GDA: variants seen among roughly 807,000 people sequenced by gnomAD.
The protein encoded by GDA is guanine deaminase.
A neutral mutation model predicts 59.6 loss-of-function variants in GDA; 18 were observed. That is an observed-to-expected ratio of 0.30 (90% confidence interval 0.21 to 0.45). The LOEUF is 0.45. GDA is among the 20% of genes least tolerant of loss of function. The pLI is 1.00. For synonymous variants in GDA, 201 were observed against 201.1 expected (o/e 1.00, Z 0.00); for missense variants, 427 against 552.3 (o/e 0.77, Z 2.27).
At chr9:72,223,859 C>G (rs1207955541) in intron 7 of GDA, among the ~76,000 whole-genome samples, 1 of 152,164 alleles carries the variant, frequency 6.6e-6, no homozygotes, top group African/African-American at 2.4e-5. Context: ...TAAAATTTCT[C>G]CTCTTAGGAG....
Position 72,182,478 on chromosome 9 carries a change from C to T in GDA, c.124-13022C>T, listed in dbSNP as rs75212069. On this transcript the variant is annotated intron_variant, in intron 1 of 13. Transcript: ENST00000358399. ...GGTCGTGCATTTTTGGCAGGGACAT[C>T]GGAGAAATGATGCTGTGCTCTCAGT... Among the ~76,000 whole-genome samples, 267 of 152,230 alleles carry T rather than the reference C, an allele frequency of 1.8e-3. 5 individuals carry two copies. The highest frequency in any genetic ancestry group is 5.9e-3 in the African/African-American group (244 of 41,526).
At chr9:72,127,198 A>T (rs1221374451) in intron 1 of GDA, among the ~76,000 whole-genome samples, 1 of 152,188 alleles carries the variant, frequency 6.6e-6, no homozygotes, top group Non-Finnish European at 1.5e-5. Flanking sequence ...AGTAGAAATT[A>T]TATTCTGTTT....
chr9:72,149,590 C>T lies in GDA; in HGVS notation c.31C>T (p.His11Tyr), dbSNP rs1291996318. The T allele has an allele frequency of 1.9e-6, 3 of 1,611,484 alleles. No individual in the cohort carries two copies. The African/African-American group carries it at 4.0e-5, about 22-fold the overall frequency. The change falls in exon 1 of 14, where the codon CAC becomes TAC. Residue 11 changes from histidine (H) to tyrosine (Y), a missense_variant. His to Tyr is a moderately conservative substitution (Grantham distance 83, BLOSUM62 2). Transcript: ENST00000358399. Reference sequence around the variant, plus strand: ...TGCCGCTCAGATGCCGCCCCTGGCGCACATCTTCCGAGGGACGTTCGTCCA... The same window carrying T: ...TGCCGCTCAGATGCCGCCCCTGGCGTACATCTTCCGAGGGACGTTCGTCCA... MCAAQMPPLA[H>Y]IFRGTFVHST...
At chr9:72,156,210 G>A (rs1025620113) in intron 1 of GDA, among the ~76,000 whole-genome samples, 1 of 152,194 alleles carries the variant, frequency 6.6e-6, no homozygotes, top group South Asian at 2.1e-4. Context: ...CTTCTTGAAG[G>A]AAGTAGTAGC....
intron 6 of GDA, among the ~76,000 whole-genome samples, chr9:72,220,481 G>C (rs1451009471): frequency 1.3e-5 from 2 of 152,082 alleles, no homozygotes; most frequent in Non-Finnish European, 2.9e-5. Flanking sequence ...TCGTCAGGCA[G>C]GTAAACTTCG....
chr9:72,199,322 A>G (rs1833633522), intron 2 of GDA, among the ~76,000 whole-genome samples: 1 of 152,136 alleles, frequency 6.6e-6, no homozygotes, highest in Non-Finnish European at 1.5e-5. Flanking sequence ...GAATCTTTTT[A>G]TTAATAATCA....
chr9:72,227,604 A>G (rs1023163246), intron 8 of GDA, among the ~76,000 whole-genome samples: 26 of 152,166 alleles, frequency 1.7e-4, no homozygotes, highest in African/African-American at 6.3e-4. Context: ...ACAGTCTTCT[A>G]AAGTAGAGAT....
intron 10 of GDA, among the ~76,000 whole-genome samples, chr9:72,239,472 T>C (rs1839371667): frequency 6.6e-6 from 1 of 152,174 alleles, no homozygotes; most frequent in Non-Finnish European, 1.5e-5. Context: ...ATTTAAGTCT[T>C]CCATATTCAT....
chr9:72,206,411 T>G (rs949486945), intron 3 of GDA, among the ~76,000 whole-genome samples: 28 of 152,212 alleles, frequency 1.8e-4, no homozygotes, highest in Non-Finnish European at 3.7e-4. Flanking sequence ...AATATTTAAC[T>G]TTTAAGTTTA....
intron 6 of GDA, among the ~76,000 whole-genome samples, chr9:72,220,674 G>A (rs1302373199): frequency 8.6e-5 from 13 of 152,010 alleles, no homozygotes; most frequent in African/African-American, 4.8e-5. Context: ...CTTGATGGGC[G>A]TGGGCTGACT....
At chr9:72,214,033 C>A in intron 5 of GDA, 42 bp downstream of exon 5, 2 of 1,092,542 alleles carry the variant, frequency 1.8e-6, no homozygotes, top group South Asian at 1.2e-5. Context: ...CAGGTGAATT[C>A]CTGTGCTGCA....
chr9:72,150,725 C>T (rs1298779203), intron 1 of GDA, among the ~76,000 whole-genome samples: 1 of 152,202 alleles, frequency 6.6e-6, no homozygotes, highest in Non-Finnish European at 1.5e-5. Context: ...AGTTTTGAAT[C>T]GTGACTCTTA....
At chr9:72,133,568 C>T (rs1048445302) in intron 1 of GDA, among the ~76,000 whole-genome samples, 1 of 152,112 alleles carries the variant, frequency 6.6e-6, no homozygotes, top group African/African-American at 2.4e-5. Flanking sequence ...TGACCTTAGC[C>T]CACATAGCAA....
intron 9 of GDA, chr9:72,229,295 G>A (rs1249842419): frequency 6.5e-6 from 1 of 153,488 alleles, no homozygotes; most frequent in Non-Finnish European, 1.4e-5. Flanking sequence ...AGCTTGCAGT[G>A]AGCCGAGATC....
chr9:72,220,058 A>C (rs536416747), intron 6 of GDA, among the ~76,000 whole-genome samples: 26 of 152,362 alleles, frequency 1.7e-4, no homozygotes, highest in African/African-American at 5.8e-4. Flanking sequence ...AAGAAAATGC[A>C]GTGTATATGT....
At chr9:72,140,467 A>G (rs1826402055) in intron 1 of GDA, among the ~76,000 whole-genome samples, 1 of 152,188 alleles carries the variant, frequency 6.6e-6, no homozygotes, top group African/African-American at 2.4e-5. Flanking sequence ...GCTGCCAGAA[A>G]GAGTGTGACC....
chr9:72,253,124 A>G (rs923279928), downstream of GDA: 1 of 152,202 alleles, frequency 6.6e-6, no homozygotes, highest in Non-Finnish European at 1.5e-5. Flanking sequence ...AATATGAAAC[A>G]TAAAGACAGT....
chr9:72,207,855 C>T (rs370126374), intron 3 of GDA, among the ~76,000 whole-genome samples: 28 of 152,146 alleles, frequency 1.8e-4, no homozygotes, highest in African/African-American at 6.5e-4. Context: ...TGCCTATAAT[C>T]CCAACAACTT....
chr9:72,215,248 C>T (rs548113756), intron 5 of GDA, among the ~76,000 whole-genome samples: 3 of 152,156 alleles, frequency 2.0e-5, no homozygotes, highest in East Asian at 3.9e-4. Context: ...AAGACTTTCA[C>T]TACAAAAGGA....
Sources: gnomAD v4.1 joint callset for allele counts (sites outside exome capture counted in the v4.1 genomes callset) on GRCh38, gnomAD v4.1.1 for gene constraint, MANE v1.5 for transcripts, NCBI Gene and HGNC (gene_info 2026-07-23, HGNC 2026-07-21) for gene names.